CDH16: variants seen among roughly 807,000 people sequenced by gnomAD.
The protein encoded by CDH16 is cadherin 16.
In CDH16, 79 loss-of-function variants were observed where a neutral mutation model predicts 87.6. The ratio of observed to expected loss-of-function variants is 0.90; its 90% CI spans 0.75 to 1.09. CDH16 has a LOEUF of 1.09. Ranked by LOEUF, CDH16 falls within the 50% of genes least tolerant of loss-of-function variation. CDH16 has a pLI of 0.00. For synonymous variants in CDH16, 457 were observed against 439.5 expected (o/e 1.04, Z -0.50); for missense variants, 1,124 against 1,071.7 (o/e 1.05, Z -0.68).
In CDH16 at chr16:66,912,529, T is replaced by A. The variant is rs1247525939; in HGVS notation, c.1334A>T (p.His445Leu). The A allele has an allele frequency of 1.9e-6, 3 of 1,614,144 alleles. No individual in the cohort carries two copies. The Admixed American group carries it at 5.0e-5, about 27-fold the overall frequency. Residue 445 changes from histidine to leucine, a missense_variant, in exon 11 of 18, where the codon CAC becomes CTC. His to Leu is a moderately conservative substitution (Grantham distance 99). Transcript: ENST00000299752. Reference sequence around the variant, plus strand: ...CTGGGAAGTGATGAACTCAGGGGCGTGATCATTGATATCTGTGACTGCGAC... The same window carrying A: ...CTGGGAAGTGATGAACTCAGGGGCGAGATCATTGATATCTGTGACTGCGAC... The part of the protein sequence containing the change: ...VEVAVTDIND[H>L]APEFITSQIG...
rs1962403018 is a variant in CDH16 at position 66,911,245 on chromosome 16, G to A, written c.1861C>T (p.Gln621Ter). The A allele has an allele frequency of 6.2e-7, 1 of 1,613,570 alleles. No homozygotes were observed. Among genetic ancestry groups the A allele is most frequent in the Non-Finnish European group, 8.5e-7 (1 of 1,179,870 alleles). ...EKFSGEVHTA[Q>*]SLQGAQPGDT... ...CCAGGCTGGGCGCCCTGCAGGGACT[G>A]GGCGGTGTGCACCTCCCCGGAGAAT... The change falls in exon 14 of 18, where the codon CAG (glutamine) becomes TAG (stop). Residue 621 changes from glutamine to a stop codon, truncating the protein, a stop_gained. Coordinates refer to ENST00000299752, the MANE Select transcript of CDH16 (RefSeq NM_004062.4). LOFTEE classifies it high-confidence loss of function.
chr16:66,909,281 G>C lies in CDH16; in HGVS notation c.2378C>G (p.Thr793Ser), dbSNP rs1241348268. The part of the protein sequence containing the change: ...KLSAVGILVG[T>S]LVAIGIFLIL... ...ACCTCCATTACCTATTGCTACCAGGGTGCCTACAAGGATGCCCACTGCCGA... is the reference window on the plus strand; with the variant it reads ...ACCTCCATTACCTATTGCTACCAGGCTGCCTACAAGGATGCCCACTGCCGA... Residue 793 changes from threonine (T) to serine (S), a missense_variant, in exon 17 of 18, where the codon ACC becomes AGC. Thr to Ser is a moderately conservative substitution (Grantham distance 58). Transcript: ENST00000299752. This position sits in a 1 kb window ranked among gnomAD's most constrained non-coding sequence, Gnocchi z 4.1. 2 of 1,610,398 alleles carry C rather than the reference G, an allele frequency of 1.2e-6. No homozygotes were observed. Among genetic ancestry groups the C allele is most frequent in the African/African-American group, 2.7e-5 (2 of 74,828 alleles).
chr16:66,910,818 G>A, intron 14 of CDH16: 1 of 374,196 alleles, frequency 2.7e-6, no homozygotes, highest in Non-Finnish European at 4.8e-6. Flanking sequence ...GGCTCCAGTG[G>A]CCCATTCACT....
chr16:66,916,355 T>G lies in CDH16; in HGVS notation c.204A>C (p.Pro68=). Reference sequence around the variant, plus strand: ...AGCCAGAATCTGGATCCATAGCAAATGGGCCCTCAGTTGCCTTGCCTGAGT... The same window carrying G: ...AGCCAGAATCTGGATCCATAGCAAAGGGGCCCTCAGTTGCCTTGCCTGAGT... ...SGDSGKATEG[P]FAMDPDSGFL... is the part of the protein sequence containing the mutation. Residue 68 remains proline, a synonymous_variant, in exon 4 of 18, where the codon CCA becomes CCC. Transcript: ENST00000299752. The surrounding 1 kb of genome is among the most constrained non-coding windows in gnomAD (Gnocchi z 4.1). 2.5e-6 allele frequency: 4 copies of G among 1,614,104 alleles called. No homozygotes were observed. In the African/African-American group the frequency reaches 5.3e-5, roughly 22 times the overall value.
At position 66,909,497 on chromosome 16, in the gene CDH16, T is replaced by A; in HGVS notation, c.2276-114A>T. 4.2e-6 allele frequency: 3 copies of A among 708,424 alleles called. No homozygotes were observed. Among genetic ancestry groups the A allele is most frequent in the Non-Finnish European group, 7.4e-6 (3 of 407,704 alleles). The allele number at this position is 708,424 out of a possible 1,614,324, so 43.9% of individuals were successfully genotyped here. A position where few individuals can be genotyped will look rare whatever the true frequency, so the allele number is the denominator to read the frequency against. ...TGTGTGTTTCTGCACATGTGTGTAT[T>A]CACATGTGTGTGAAGATATATGCGC... is the stretch of plus-strand genomic sequence containing the variant. On this transcript the variant is annotated intron_variant, in intron 16 of 17. Transcript: ENST00000299752. This position sits in a 1 kb window ranked among gnomAD's most constrained non-coding sequence, Gnocchi z 4.1.
At chr16:66,917,617 C>T (rs1962737155) in intron 3 of CDH16, 25 bp downstream of exon 3, 1 of 1,578,830 alleles carries the variant, frequency 6.3e-7, no homozygotes, top group East Asian at 2.2e-5. Context: ...ATCCCCCCGG[C>T]CCCAACCCCA....
chr16:66,914,125 G>A, intron 7 of CDH16, 91 bp downstream of exon 7: 2 of 1,129,146 alleles, frequency 1.8e-6, no homozygotes, highest in South Asian at 2.8e-5. Flanking sequence ...GGTCATGAGG[G>A]TTCCAGACCC....
chr16:66,916,563 G>T lies in CDH16; in HGVS notation c.130-134C>A. 1.0e-6 allele frequency: 1 copy of T among 995,800 alleles called. No individual in the cohort carries two copies. The highest frequency in any genetic ancestry group is 1.4e-6 in the Non-Finnish European group (1 of 699,686). 61.7% of individuals were successfully genotyped at this position (995,800 alleles called of 1,614,324 possible). A position where few individuals can be genotyped will look rare whatever the true frequency, so the allele number is the denominator to read the frequency against. On this transcript the variant is annotated intron_variant, in intron 3 of 17. Coordinates refer to ENST00000299752, the MANE Select transcript of CDH16 (RefSeq NM_004062.4). This position sits in a 1 kb window ranked among gnomAD's most constrained non-coding sequence, Gnocchi z 4.1. ...TCTGGCTCCTGTCAGAGGTCACACA[G>T]CCAGTAAGCATCAGGACTGAGACTC...
In CDH16 at chr16:66,912,896, C is replaced by T. The variant is rs1962496987; in HGVS notation, c.1055-5G>A. ...ACAGTCTAGTCACTTCAGTACCTGC[C>T]AAGACAGCACCCGCCTGGATAGGAC... On this transcript the variant is annotated splice_polypyrimidine_tract_variant and splice_region_variant and intron_variant, in intron 9 of 17. Transcript: ENST00000299752. 1 of 1,607,012 alleles carries T rather than the reference C, an allele frequency of 6.2e-7. No individual in the cohort carries two copies. The highest frequency in any genetic ancestry group is 8.5e-7 in the Non-Finnish European group (1 of 1,178,062).
chr16:66,908,489 C>A lies in CDH16; in HGVS notation c.2393G>T (p.Gly798Val), dbSNP rs1280403565. The change falls in exon 18 of 18, where the codon GGA becomes GTA. Residue 798 changes from glycine to valine, a missense_variant and splice_region_variant. Physicochemically the swap from Gly to Val is moderately radical, Grantham distance 109. Transcript: ENST00000299752. ...GILVGTLVAI[G>V]IFLILIFTHW... is the part of the protein sequence containing the mutation. Reference sequence around the variant, plus strand: ...GGTGAAAATGAGGATGAGGAAGATTCCTGTGGGGCCCAAGAGGGATGTATC... The same window carrying A: ...GGTGAAAATGAGGATGAGGAAGATTACTGTGGGGCCCAAGAGGGATGTATC... 6.2e-7 allele frequency: 1 copy of A among 1,613,196 alleles called. No individual in the cohort carries two copies.
At chr16:66,917,539 G>A in intron 3 of CDH16, 103 bp downstream of exon 3, 1 of 813,812 alleles carries the variant, frequency 1.2e-6, no homozygotes, top group Non-Finnish European at 2.1e-6. Context: ...CTGGAAAGCA[G>A]GATTTCAAAG....
rs1310711149 is a variant in CDH16, at chr16:66,909,949, C to T, written c.2275+37G>A. On this transcript the variant is annotated intron_variant, in intron 16 of 17. Coordinates refer to ENST00000299752, the MANE Select transcript of CDH16 (RefSeq NM_004062.4). The surrounding 1 kb of genome is among the most constrained non-coding windows in gnomAD (Gnocchi z 4.1). ...CCTCCCCTTGCATCCCAGCGGTTCC[C>T]TCAGGAACTGCAGGCTGCACCCAAG... 1.4e-6 allele frequency: 2 copies of T among 1,480,940 alleles called. No homozygotes were observed. The highest frequency in any genetic ancestry group is 1.9e-5 in the Admixed American group (1 of 53,368). The allele number at this position is 1,480,940 out of a possible 1,614,324, so 91.7% of individuals were successfully genotyped here.
At chr16:66,914,853 A>G (rs897576549) in intron 6 of CDH16, among the ~76,000 whole-genome samples, 1 of 152,212 alleles carries the variant, frequency 6.6e-6, no homozygotes, top group African/African-American at 2.4e-5. Context: ...TGCCTGATTC[A>G]CTTTTCTTTC....
chr16:66,908,455 G>T lies in CDH16; in HGVS notation c.2427C>A (p.Thr809=), dbSNP rs772128634. The T allele has an allele frequency of 3.0e-5, 48 of 1,613,946 alleles. No homozygotes were observed. The highest frequency in any genetic ancestry group is 3.6e-5 in the Non-Finnish European group (43 of 1,179,952). ...IFLILIFTHW[T]MSRKKDPDQP... ...GATCCGGGTCCTTCTTCCTTGACAT[G>T]GTCCAGTGGGTGAAAATGAGGATGA... Residue 809 remains threonine (T), a synonymous_variant, in exon 18 of 18, where the codon ACC becomes ACA. Transcript: ENST00000299752.
chr16:66,910,090 G>A lies in CDH16; in HGVS notation c.2171C>T (p.Ser724Phe), dbSNP rs267604593. ...CAGGGCCAAGGTGAGGTAGGCATGGGAACCTTTTGGGACAGCAGGCAAAGA... is the reference window on the plus strand; with the variant it reads ...CAGGGCCAAGGTGAGGTAGGCATGGAAACCTTTTGGGACAGCAGGCAAAGA... ...RDWRLQTLNG[S>F]HAYLTLALHW... The change falls in exon 16 of 18, where the codon TCC becomes TTC. Residue 724 changes from serine (S) to phenylalanine (F), a missense_variant. Physicochemically the swap from Ser to Phe is radical, Grantham distance 155. Transcript: ENST00000299752. 6 of 1,610,004 alleles carry A rather than the reference G, an allele frequency of 3.7e-6. No individual in the cohort carries two copies. The East Asian group carries it at 1.1e-4, about 30-fold the overall frequency.
chr16:66,909,338 A>G lies in CDH16; in HGVS notation c.2321T>C (p.Val774Ala), dbSNP rs778215495. 6.5e-7 allele frequency: 1 copy of G among 1,549,046 alleles called. No individual in the cohort carries two copies. Among genetic ancestry groups the G allele is most frequent in the African/African-American group, 1.4e-5 (1 of 72,100 alleles). ...CGTGGGCATGCCCTTCATGCGGCCC[A>G]CCTTGCGCATGCACTGCCCCTCCAC... ...CNVEGQCMRK[V>A]GRMKGMPTKL... Residue 774 changes from valine to alanine, a missense_variant, in exon 17 of 18, where the codon GTG (valine) becomes GCG (alanine). Transcript: ENST00000299752. This position sits in a 1 kb window ranked among gnomAD's most constrained non-coding sequence, Gnocchi z 4.1.
At chr16:66,911,120 G>GCTGT (rs1189191850) in intron 14 of CDH16, 62 bp downstream of exon 14, 1 of 1,526,232 alleles carries the variant, frequency 6.6e-7, no homozygotes, top group African/African-American at 1.4e-5. Context: ...GCTCAGTCCT[G>GCTGT]CTGTCTGTCT....
At chr16:66,917,497 G>C in intron 3 of CDH16, 145 bp downstream of exon 3, 1 of 654,548 alleles carries the variant, frequency 1.5e-6, no homozygotes, top group Non-Finnish European at 2.8e-6. Context: ...TCAGATAGGG[G>C]ACACTCAACC....
At chr16:66,915,961 T>A (rs1315153586) in intron 5 of CDH16, 104 bp downstream of exon 5, 1 of 1,258,454 alleles carries the variant, frequency 7.9e-7, no homozygotes, top group African/African-American at 1.5e-5. Context: ...GGGACAGAAA[T>A]GGCTGCCCTG....
Sources: allele counts gnomAD v4.1 joint callset (sites outside exome capture counted in the v4.1 genomes callset), GRCh38; gene constraint gnomAD v4.1.1; non-coding constraint Gnocchi (gnomAD v3.1); transcripts MANE v1.5; gene names NCBI Gene and HGNC (gene_info 2026-07-23, HGNC 2026-07-21).